Variants in ZNF578 observed in about 807,000 individuals in gnomAD.
ZNF578 encodes the protein Putative chemokine-related protein B42.
Under a neutral mutation model 8.3 loss-of-function variants are expected in ZNF578, and 8 were observed. That is an observed-to-expected ratio of 0.96 (90% CI 0.56 to 1.74). The LOEUF (loss-of-function observed/expected upper bound fraction) is 1.74, where lower values mean the gene tolerates loss of function less well. ZNF578 is among the 40% of genes most tolerant of loss of function. The pLI is 0.00. For synonymous variants in ZNF578, 206 were observed against 232.2 expected (o/e 0.89, Z 1.03); for missense variants, 726 against 707.5 (o/e 1.03, Z -0.30).
rs1476956121 is a variant in ZNF578, at chr19:52,515,884, C to T, written c.*3730C>T. ...AAGGCCTTTCTCTGTATGAGGACAT[C>T]ACAGCAAAATCTAAAGCAGGTCACG... is the stretch of plus-strand genomic sequence containing the variant. On this transcript the variant is annotated 3_prime_UTR_variant, in exon 6 of 6. Transcript: ENST00000421239. Among the ~76,000 whole-genome samples, 2 of 152,106 alleles carry T rather than the reference C, an allele frequency of 1.3e-5. No individual in the cohort carries two copies. The highest frequency in any genetic ancestry group is 4.8e-5 in the African/African-American group (2 of 41,402).
Position 52,513,532 on chromosome 19 carries a change from C to T in ZNF578, c.*1378C>T, listed in dbSNP as rs1268369111. ...GATAACAAAGTCAGGAGATTGAGACCGTCCTGGCTAACACGGTGAAACCTC... is the reference window on the plus strand; with the variant it reads ...GATAACAAAGTCAGGAGATTGAGACTGTCCTGGCTAACACGGTGAAACCTC... On this transcript the variant is annotated 3_prime_UTR_variant, in exon 6 of 6. Coordinates refer to ENST00000421239, the MANE Select transcript of ZNF578 (RefSeq NM_001099694.2). 4.9e-5 allele frequency among the ~76,000 whole-genome samples: 7 copies of T among 143,266 alleles called. No homozygotes were observed. The highest frequency in any genetic ancestry group is 1.9e-4 in the East Asian group (1 of 5,158). The allele number at this position is 143,266 out of a possible 152,430, so 94.0% of individuals were successfully genotyped here.
intron 2 of ZNF578, among the ~76,000 whole-genome samples, chr19:52,477,177 C>T (rs573236642): frequency 6.6e-6 from 1 of 152,166 alleles, no homozygotes; most frequent in Non-Finnish European, 1.5e-5. Flanking sequence ...TGGTAAAGGT[C>T]TCTAAATGCC....
intron 2 of ZNF578, chr19:52,474,155 G>T: frequency 3.1e-6 from 1 of 319,322 alleles, no homozygotes; most frequent in African/African-American, 2.2e-5. Context: ...ACATTTGTAA[G>T]GTTTCTTTCC....
At chr19:52,500,446 A>G (rs1052865256) in intron 3 of ZNF578, among the ~76,000 whole-genome samples, 1 of 145,508 alleles carries the variant, frequency 6.9e-6, no homozygotes, top group South Asian at 2.2e-4. Context: ...CCATTTTGTC[A>G]CCCAGGCTGG....
At chr19:52,459,775 T>TTTTTA (rs2059251977) in intron 2 of ZNF578, among the ~76,000 whole-genome samples, 1 of 51,712 alleles carries the variant, frequency 1.9e-5, no homozygotes, top group Non-Finnish European at 3.9e-5. Flanking sequence ...ATATATTTTT[T>TTTTTA]TTTTTTTTTT....
intron 2 of ZNF578, among the ~76,000 whole-genome samples, chr19:52,467,482 G>A (rs963717251): frequency 6.6e-6 from 1 of 152,084 alleles, no homozygotes; most frequent in Non-Finnish European, 1.5e-5. Context: ...TGAGCGTGGT[G>A]GCACAAACCT....
chr19:52,483,505 A>G (rs992346244), intron 2 of ZNF578, among the ~76,000 whole-genome samples: 8 of 152,232 alleles, frequency 5.3e-5, no homozygotes, highest in African/African-American at 1.9e-4. Flanking sequence ...CACAGGCACC[A>G]TCTGCAGGAA....
chr19:52,466,062 C>T (rs541659621), intron 2 of ZNF578, among the ~76,000 whole-genome samples: 1 of 152,218 alleles, frequency 6.6e-6, no homozygotes, highest in African/African-American at 2.4e-5. Context: ...GCAAAAGGCC[C>T]TGATCTCTGG....
chr19:52,497,623 A>G (rs1440686544), intron 3 of ZNF578, among the ~76,000 whole-genome samples: 2 of 152,264 alleles, frequency 1.3e-5, no homozygotes, highest in East Asian at 3.9e-4. Flanking sequence ...TTCTCTGTGA[A>G]ATTGTGTTCA....
intron 3 of ZNF578, among the ~76,000 whole-genome samples, chr19:52,495,632 G>A (rs533644418): frequency 6.6e-6 from 1 of 151,778 alleles, no homozygotes; most frequent in Admixed American, 6.6e-5. Context: ...GCGGTGAGTT[G>A]ATTGGATGTG....
chr19:52,506,732 C>T (rs1394521588), intron 5 of ZNF578, among the ~76,000 whole-genome samples: 3 of 152,114 alleles, frequency 2.0e-5, no homozygotes, highest in Non-Finnish European at 4.4e-5. Flanking sequence ...TTATGCCTGG[C>T]GCAAGCCTGG....
At chr19:52,499,389 C>T (rs938340478) in intron 3 of ZNF578, among the ~76,000 whole-genome samples, 3 of 152,174 alleles carry the variant, frequency 2.0e-5, no homozygotes, top group Non-Finnish European at 2.9e-5. Context: ...CAGGCCTCAA[C>T]CCTGAGCTCT....
intron 2 of ZNF578, among the ~76,000 whole-genome samples, chr19:52,484,084 A>G (rs975166088): frequency 6.6e-6 from 1 of 152,150 alleles, no homozygotes; most frequent in Non-Finnish European, 1.5e-5. Context: ...ATAGGGTAAT[A>G]GTAGAGAGGT....
intron 3 of ZNF578, among the ~76,000 whole-genome samples, chr19:52,498,779 G>A (rs548852742): frequency 2.8e-5 from 4 of 144,870 alleles, no homozygotes; most frequent in Non-Finnish European, 4.5e-5. Flanking sequence ...TCTGCCTCCC[G>A]GGCTCAAGTG....
At chr19:52,469,529 C>G (rs750437741) in intron 2 of ZNF578, among the ~76,000 whole-genome samples, 1 of 152,058 alleles carries the variant, frequency 6.6e-6, no homozygotes, top group African/African-American at 2.4e-5. Context: ...GCTCTCTAAT[C>G]TTATTACAAC....
Position 52,511,698 on chromosome 19 carries a change from G to C in ZNF578, c.1317G>C (p.Gln439His). 1.2e-6 allele frequency: 2 copies of C among 1,613,584 alleles called. No homozygotes were observed. The highest frequency in any genetic ancestry group is 1.7e-6 in the Non-Finnish European group (2 of 1,179,874). ...ACTGTGGTAAGGCTTTTATTCATCAGTCAAGCCTTGCACGTCATCATAGAC... is the reference window on the plus strand; with the variant it reads ...ACTGTGGTAAGGCTTTTATTCATCACTCAAGCCTTGCACGTCATCATAGAC... ...CNDCGKAFIH[Q>H]SSLARHHRLH... is the part of the protein sequence containing the mutation. Residue 439 changes from glutamine (Q) to histidine (H), a missense_variant, in exon 6 of 6, where the codon CAG (glutamine) becomes CAC (histidine). Physicochemically the swap from Gln to His is conservative, Grantham distance 24 (BLOSUM62 0). Transcript: ENST00000421239.
At chr19:52,479,054 A>G (rs769577162) in intron 2 of ZNF578, among the ~76,000 whole-genome samples, 1 of 151,718 alleles carries the variant, frequency 6.6e-6, no homozygotes. Context: ...CTCTGTCCCA[A>G]TTTTTCAAAT....
intron 3 of ZNF578, among the ~76,000 whole-genome samples, chr19:52,498,121 C>G (rs112714996): frequency 0.17 from 25,425 of 152,078 alleles, 2,639 homozygotes; most frequent in Non-Finnish European, 0.23. Context: ...AAGAAGTTTC[C>G]TTTGCTCAGG....
intron 2 of ZNF578, among the ~76,000 whole-genome samples, chr19:52,488,165 T>A (rs2059352258): frequency 6.6e-6 from 1 of 151,884 alleles, no homozygotes; most frequent in Non-Finnish European, 1.5e-5. Context: ...TGGTCCAGGC[T>A]GGTCTCTAAC....
Sources: allele counts gnomAD v4.1 joint callset (sites outside exome capture counted in the v4.1 genomes callset), GRCh38; gene constraint gnomAD v4.1.1; transcripts MANE v1.5; gene names NCBI Gene and HGNC (gene_info 2026-07-23, HGNC 2026-07-21).